The following MRC2 variants were observed in gnomAD, a reference collection of about 807,000 sequenced individuals.
MRC2 encodes the protein C-type mannose receptor 2.
A neutral mutation model predicts 206.2 loss-of-function variants in MRC2; 84 were observed. The observed-to-expected ratio is 0.41, with a 90% CI of 0.34 to 0.49. MRC2 has a LOEUF of 0.49. Ranked by LOEUF, MRC2 falls within the 20% of genes least tolerant of loss-of-function variation. The probability of loss-of-function intolerance (pLI) is 0.31; values close to 1 mark genes in which losing one functional copy is unlikely to be tolerated. For synonymous variants in MRC2, 798 were observed against 800.0 expected, an observed-to-expected ratio of 1.00 and a Z score of 0.04; for missense variants, 1,676 against 2,001.5, an observed-to-expected ratio of 0.84 and a Z score of 3.10.
At chr17:62,674,534 C>G (rs373546386) in intron 9 of MRC2, among the ~76,000 whole-genome samples, 2 of 152,146 alleles carry the variant, frequency 1.3e-5, no homozygotes, top group Non-Finnish European at 2.9e-5. Context: ...TGAAGTGTGG[C>G]CCCTGTGCAC....
chr17:62,654,327 G>T (rs368026302), intron 1 of MRC2, among the ~76,000 whole-genome samples: 1 of 152,026 alleles, frequency 6.6e-6, no homozygotes, highest in Non-Finnish European at 1.5e-5. Flanking sequence ...TTGCTCCTGC[G>T]GTTGGGCAGC....
intron 6 of MRC2, among the ~76,000 whole-genome samples, chr17:62,670,168 T>C (rs964244077): frequency 2.0e-4 from 30 of 152,340 alleles, no homozygotes; most frequent in African/African-American, 6.5e-4. Flanking sequence ...GCACGAGGCA[T>C]ATTCTAGGCA....
chr17:62,655,145 G>A (rs1436927246), intron 1 of MRC2, among the ~76,000 whole-genome samples: 1 of 152,030 alleles, frequency 6.6e-6, no homozygotes, highest in African/African-American at 2.4e-5. Flanking sequence ...AATTAGCCGG[G>A]CGTGGTGGCG....
In MRC2 at chr17:62,655,398, C is replaced by T. The variant is rs369384358; in HGVS notation, c.119-9150C>T. On this transcript the variant is annotated intron_variant, in intron 1 of 29. Coordinates refer to ENST00000303375, the MANE Select transcript of MRC2 (RefSeq NM_006039.5). ...CTACTAAAAATACAAAAAAATTAGCCGGGCATGGTGGCGGGCGCCTGTAGT... is the reference window on the plus strand; with the variant it reads ...CTACTAAAAATACAAAAAAATTAGCTGGGCATGGTGGCGGGCGCCTGTAGT... 2.8e-4 allele frequency among the ~76,000 whole-genome samples: 42 copies of T among 151,394 alleles called. No individual in the cohort carries two copies. In the East Asian group the frequency reaches 4.1e-3, roughly 15 times the overall value.
chr17:62,647,223 G>A (rs12937503), intron 1 of MRC2, among the ~76,000 whole-genome samples: 2,544 of 131,790 alleles, frequency 0.019, 34 homozygotes, highest in Non-Finnish European at 0.029. Context: ...TTGCTCTATC[G>A]CCCATGCTGG....
intron 1 of MRC2, among the ~76,000 whole-genome samples, chr17:62,656,335 A>G (rs898382498): frequency 6.6e-6 from 1 of 151,766 alleles, no homozygotes; most frequent in African/African-American, 2.4e-5. Flanking sequence ...GTGAGCCACC[A>G]CGCCCAGCCT....
chr17:62,641,895 C>CTGTGTGTGTG (rs4058579), intron 1 of MRC2, among the ~76,000 whole-genome samples: 22 of 150,068 alleles, frequency 1.5e-4, no homozygotes, highest in South Asian at 2.1e-4. Flanking sequence ...ATCTCACTCT[C>CTGTGTGTGTG]TGTGTGTGTG....
At position 62,682,222 on chromosome 17, in the gene MRC2, C is replaced by T. The variant is rs534487522; in HGVS notation, c.2804-13C>T. 5.2e-5 allele frequency: 81 copies of T among 1,564,886 alleles called. No homozygotes were observed. The South Asian group carries it at 9.0e-4, about 17-fold the overall frequency. On this transcript the variant is annotated splice_polypyrimidine_tract_variant and intron_variant, in intron 19 of 29. Coordinates refer to ENST00000303375, the MANE Select transcript of MRC2 (RefSeq NM_006039.5). ...GCCCTGGGGGTGACTGCCCTCCCCT[C>T]CCCTTTCCGCAGAGGACTGGGGGGA...
rs35484072 is a variant in MRC2 at position 62,645,093 on chromosome 17, G to A, written c.118+17173G>A. ...TCGAATGCAACTCAGAAGGGTGCCA[G>A]TAAGTTAGGGAATTGGCCTTTGGAA... On this transcript the variant is annotated intron_variant, in intron 1 of 29. Coordinates refer to ENST00000303375, the MANE Select transcript of MRC2 (RefSeq NM_006039.5). 1.1e-3 allele frequency among the ~76,000 whole-genome samples: 163 copies of A among 152,296 alleles called. 1 individual carries two copies. The highest frequency in any genetic ancestry group is 1.3e-3 in the Non-Finnish European group (86 of 68,026).
At position 62,636,142 on chromosome 17, in the gene MRC2, T is replaced by C. The variant is rs2088315238; in HGVS notation, c.118+8222T>C. Among the ~76,000 whole-genome samples the C allele has an allele frequency of 2.0e-5, 3 of 151,320 alleles. No individual in the cohort carries two copies. In the South Asian group the frequency reaches 6.3e-4, roughly 32 times the overall value. On this transcript the variant is annotated intron_variant, in intron 1 of 29. Transcript: ENST00000303375. The stretch of plus-strand genomic sequence containing the variant: ...AGTGGTGCGTGCCTGTAGTCTCAGC[T>C]ACTCAGGAGGCTGAGGCAGGAGGAT...
chr17:62,685,808 CAGGGATT>C (rs1020843565), intron 20 of MRC2, among the ~76,000 whole-genome samples: 4 of 152,182 alleles, frequency 2.6e-5, no homozygotes, highest in Non-Finnish European at 5.9e-5. Context: ...TTCCAAAGGG[CAGGGATT>C]ACAGGTGTGC....
rs1172928956 is a variant in MRC2, at chr17:62,681,116, G to A, written c.2689G>A (p.Asp897Asn). ...GATCGGCCTGCACACCTCTGAGAGCGATGGGCGCTTCAGGTAGGAACCCAG... is the reference window on the plus strand; with the variant it reads ...GATCGGCCTGCACACCTCTGAGAGCAATGGGCGCTTCAGGTAGGAACCCAG... The part of the protein sequence containing the change: ...WWIGLHTSES[D>N]GRFRWTDGSI... Residue 897 changes from aspartate (D) to asparagine (N), a missense_variant, in exon 18 of 30, where the codon GAT becomes AAT. Around this residue, in one of 3 missense-constraint regions of MRC2, gnomAD observed 1,354 missense variants for 1,636.6 expected, o/e 0.83. Transcript: ENST00000303375. 2 of 1,613,516 alleles carry A rather than the reference G, an allele frequency of 1.2e-6. No homozygotes were observed. Among genetic ancestry groups the A allele is most frequent in the East Asian group, 2.2e-5 (1 of 44,888 alleles).
At chr17:62,673,931 TG>T in intron 8 of MRC2, 131 bp from the exon 9 acceptor site, 1 of 720,976 alleles carries the variant, frequency 1.4e-6, no homozygotes, top group Non-Finnish European at 2.4e-6. Context: ...ATTGCACAGC[TG>T]GGACACAGAC....
chr17:62,671,444 G>A lies in MRC2; in HGVS notation c.1118-205G>A, dbSNP rs1275128923. Among the ~76,000 whole-genome samples the A allele has an allele frequency of 6.6e-6, 1 of 152,224 alleles. No individual in the cohort carries two copies. Among genetic ancestry groups the A allele is most frequent in the Non-Finnish European group, 1.5e-5 (1 of 68,036 alleles). On this transcript the variant is annotated intron_variant, in intron 6 of 29. Transcript: ENST00000303375. The surrounding 1 kb of genome is among the most constrained non-coding windows in gnomAD (Gnocchi z 4.5). ...GGTGGAATCTGCCACCACGACTTGGGTCTCTGTCCCGGGGCTCCAGCAGCC... is the reference window on the plus strand; with the variant it reads ...GGTGGAATCTGCCACCACGACTTGGATCTCTGTCCCGGGGCTCCAGCAGCC...
chr17:62,666,836 C>T lies in MRC2; in HGVS notation c.939C>T (p.Asp313=), dbSNP rs2088763045. 3 of 1,613,676 alleles carry T rather than the reference C, an allele frequency of 1.9e-6. No homozygotes were observed. Among genetic ancestry groups the T allele is most frequent in the Non-Finnish European group, 2.5e-6 (3 of 1,179,960 alleles). ...CGAGCGGAGGCTGGCAGTGGTCGGA[C>T]AACTCGCCCCTCAAGTACCTCAACT... ...LDTSGGWQWS[D]NSPLKYLNWE... The change falls in exon 5 of 30, where the codon GAC becomes GAT. Residue 313 remains aspartate, a synonymous_variant. Coordinates refer to ENST00000303375, the MANE Select transcript of MRC2 (RefSeq NM_006039.5). This position sits in a 1 kb window ranked among gnomAD's most constrained non-coding sequence, Gnocchi z 5.0.
At chr17:62,659,531 G>A (rs2088656735) in intron 1 of MRC2, among the ~76,000 whole-genome samples, 1 of 151,294 alleles carries the variant, frequency 6.6e-6, no homozygotes, top group African/African-American at 2.4e-5. Context: ...GGGCAACAGA[G>A]CGAGACTCTG....
At chr17:62,679,109 G>A (rs1024444901) in intron 13 of MRC2, among the ~76,000 whole-genome samples, 3 of 152,188 alleles carry the variant, frequency 2.0e-5, no homozygotes, top group African/African-American at 7.2e-5. Flanking sequence ...CTCCCTCTGA[G>A]ACACCACCTC....
chr17:62,684,521 T>C (rs1020937542), intron 20 of MRC2, among the ~76,000 whole-genome samples: 1 of 152,230 alleles, frequency 6.6e-6, no homozygotes, highest in African/African-American at 2.4e-5. Context: ...CCCTCCATAG[T>C]GTGAGTTTCT....
Position 62,688,345 on chromosome 17 carries a change from G to A in MRC2, c.3003G>A (p.Gln1001=), listed in dbSNP as rs2089057851. 1 of 1,614,214 alleles carries A rather than the reference G, an allele frequency of 6.2e-7. No homozygotes were observed. Among genetic ancestry groups the A allele is most frequent in the Non-Finnish European group, 8.5e-7 (1 of 1,180,038 alleles). ...GCCGGGTGAAGTGGTCAGAGGCACA[G>A]TTCTCCTGTGAACAGCAAGAGGCCC... ...PQSRVKWSEA[Q]FSCEQQEAQL... Residue 1001 remains glutamine (Q), a synonymous_variant, in exon 21 of 30, where the codon CAG becomes CAA. Coordinates refer to ENST00000303375, the MANE Select transcript of MRC2 (RefSeq NM_006039.5).
Sources: gnomAD v4.1 joint callset for allele counts (sites outside exome capture counted in the v4.1 genomes callset) on GRCh38, gnomAD v4.1.1 for gene constraint, gnomAD v4.1.1 regional missense constraint, Gnocchi (gnomAD v3.1) non-coding constraint, MANE v1.5 for transcripts, NCBI Gene and HGNC (gene_info 2026-07-23, HGNC 2026-07-21) for gene names.